AKR1B1: variants seen among roughly 807,000 people sequenced by gnomAD.
The protein encoded by AKR1B1 is aldo-keto reductase family 1 member B, also known as aldo-keto reductase family 1 member B1.
AKR1B1 carries 22 observed loss-of-function variants against 40.4 expected under a neutral mutation model. That is an observed-to-expected ratio of 0.54 (90% CI 0.39 to 0.78). The LOEUF (loss-of-function observed/expected upper bound fraction) is 0.78. AKR1B1 is among the 30% of genes least tolerant of loss of function. The probability of loss-of-function intolerance (pLI) is 0.00; values close to 1 mark genes in which losing one functional copy is unlikely to be tolerated. For missense variants in AKR1B1, 357 were observed against 396.7 expected (o/e 0.90, Z 0.85); for synonymous variants, 157 against 149.9 (o/e 1.05, Z -0.35).
intron 3 of AKR1B1, among the ~76,000 whole-genome samples, chr7:134,450,100 G>A (rs1480817727): frequency 1.3e-5 from 2 of 152,178 alleles, no homozygotes; most frequent in South Asian, 2.1e-4. Flanking sequence ...AAGGCCTGGC[G>A]GGTCACTGGC....
chr7:134,449,113 C>T lies in AKR1B1; in HGVS notation c.436G>A (p.Glu146Lys), dbSNP rs1806199677. The T allele has an allele frequency of 1.2e-6, 2 of 1,613,628 alleles. No individual in the cohort carries two copies. The highest frequency in any genetic ancestry group is 8.5e-7 in the Non-Finnish European group (1 of 1,180,030). Reference sequence around the variant, plus strand: ...ACCAGCCCTTCATCCACCAGCTCTTCCATGGCCTACAGAGAAAAGTGTCTG... The same window carrying T: ...ACCAGCCCTTCATCCACCAGCTCTTTCATGGCCTACAGAGAAAAGTGTCTG... ...TNILDTWAAMEELVDEGLVKA... is the reference protein window; with the variant it reads ...TNILDTWAAMKELVDEGLVKA... The change falls in exon 5 of 10, where the codon GAA becomes AAA. Residue 146 changes from glutamate (E) to lysine (K), a missense_variant. Coordinates refer to ENST00000285930, the MANE Select transcript of AKR1B1 (RefSeq NM_001628.4).
Position 134,455,860 on chromosome 7 carries a change from G to C in AKR1B1, c.66+3137C>G, listed in dbSNP as rs1806454140. Among the ~76,000 whole-genome samples, 3 of 152,328 alleles carry C rather than the reference G, an allele frequency of 2.0e-5. 1 individual carries two copies. The South Asian group carries it at 6.2e-4, about 32-fold the overall frequency. ...GGCCTTCCAAAGTGCTGGGATTACAGGTGTAATTGTTTACTATCCAATGTA... is the reference window on the plus strand; with the variant it reads ...GGCCTTCCAAAGTGCTGGGATTACACGTGTAATTGTTTACTATCCAATGTA... On this transcript the variant is annotated intron_variant, in intron 1 of 9. Transcript: ENST00000285930.
chr7:134,448,174 C>T, intron 6 of AKR1B1, 113 bp from the exon 7 acceptor site: 1 of 1,001,094 alleles, frequency 1.0e-6, no homozygotes, highest in Non-Finnish European at 1.5e-6. Flanking sequence ...CAGTCTCCTC[C>T]TCAGAGCTGG....
chr7:134,448,563 C>T, intron 5 of AKR1B1, 70 bp from the exon 6 acceptor site: 1 of 1,214,720 alleles, frequency 8.2e-7, no homozygotes. Flanking sequence ...GATGAAGCTT[C>T]CTATGCTAAA....
Position 134,447,907 on chromosome 7 carries a change from C to T in AKR1B1, c.741+73G>A, listed in dbSNP as rs777157468. The T allele has an allele frequency of 3.0e-6, 4 of 1,325,154 alleles. 1 individual carries two copies. The highest frequency in any genetic ancestry group is 1.9e-5 in the Admixed American group (1 of 51,846). The allele number at this position is 1,325,154 out of a possible 1,614,324, so 82.1% of individuals were successfully genotyped here. ...AGGGTGTAACAGGCTCAGTCACTTCCTCCTCTTGGCTAACAGGACTGTCAG... is the reference window on the plus strand; with the variant it reads ...AGGGTGTAACAGGCTCAGTCACTTCTTCCTCTTGGCTAACAGGACTGTCAG... On this transcript the variant is annotated intron_variant, in intron 7 of 9. Coordinates refer to ENST00000285930, the MANE Select transcript of AKR1B1 (RefSeq NM_001628.4).
chr7:134,448,536 C>T, intron 5 of AKR1B1, 43 bp from the exon 6 acceptor site: 1 of 1,457,040 alleles, frequency 6.9e-7, no homozygotes, highest in South Asian at 1.1e-5. Flanking sequence ...ACTGTGGCTA[C>T]ACGCTGATGG....
chr7:134,445,233 C>T lies in AKR1B1; in HGVS notation c.908+5G>A. ...GAACTGCTCCTCACACTGGGGCTCA[C>T]TCACCTCAACAAGGCACAGACCCTC... On this transcript the variant is annotated splice_donor_5th_base_variant and intron_variant, in intron 9 of 9. Coordinates refer to ENST00000285930, the MANE Select transcript of AKR1B1 (RefSeq NM_001628.4). The T allele has an allele frequency of 1.2e-6, 2 of 1,609,770 alleles. No individual in the cohort carries two copies. The highest frequency in any genetic ancestry group is 1.7e-6 in the Non-Finnish European group (2 of 1,178,796).
intron 9 of AKR1B1, among the ~76,000 whole-genome samples, chr7:134,444,525 G>A (rs1290834904): frequency 6.6e-6 from 1 of 152,248 alleles, no homozygotes; most frequent in Non-Finnish European, 1.5e-5. Flanking sequence ...AGAGAGTGTG[G>A]AAACACAGAG....
At chr7:134,457,355 T>C (rs957760133) in intron 1 of AKR1B1, among the ~76,000 whole-genome samples, 1 of 152,194 alleles carries the variant, frequency 6.6e-6, no homozygotes, top group African/African-American at 2.4e-5. Context: ...TAGAAAGTAT[T>C]TGCTATTGCC....
rs540798145 is a variant in AKR1B1, at chr7:134,459,063, G to T, written c.-1C>A. The T allele has an allele frequency of 1.7e-5, 27 of 1,602,440 alleles. No individual in the cohort carries two copies. In the South Asian group the frequency reaches 2.9e-4, roughly 17 times the overall value. On this transcript the variant is annotated 5_prime_UTR_variant, in exon 1 of 10. Transcript: ENST00000285930. ...TGTTGAGCAGGAGACGGCTTGCCATGGCTGCTGCGCTCCCCAGACCCCCGC... is the reference window on the plus strand; with the variant it reads ...TGTTGAGCAGGAGACGGCTTGCCATTGCTGCTGCGCTCCCCAGACCCCCGC...
intron 3 of AKR1B1, 140 bp from the exon 4 acceptor site, chr7:134,449,937 AAT>A (rs1806234186): frequency 2.6e-6 from 2 of 760,804 alleles, no homozygotes; most frequent in Non-Finnish European, 2.3e-6. Flanking sequence ...ATGAAAAGGA[AAT>A]AGGCAGATAG....
At chr7:134,448,639 C>A (rs1005805865) in intron 5 of AKR1B1, 146 bp from the exon 6 acceptor site, 2 of 726,722 alleles carry the variant, frequency 2.8e-6, no homozygotes, top group South Asian at 1.5e-5. Flanking sequence ...TAAGCTGTAA[C>A]TTCCTACAGT....
At chr7:134,458,875 G>T in intron 1 of AKR1B1, 122 bp downstream of exon 1, 2 of 1,184,398 alleles carry the variant, frequency 1.7e-6, no homozygotes, top group Non-Finnish European at 2.4e-6. Context: ...CCCGCGCGTG[G>T]CTCCCAGCAC....
chr7:134,451,620 A>G lies in AKR1B1; in HGVS notation c.200T>C (p.Val67Ala), dbSNP rs772483114. 2.5e-6 allele frequency: 4 copies of G among 1,614,002 alleles called. No individual in the cohort carries two copies. Among genetic ancestry groups the G allele is most frequent in the Non-Finnish European group, 3.4e-6 (4 of 1,179,992 alleles). ...VAIQEKLREQ[V>A]VKREELFIVS... is the part of the protein sequence containing the mutation. ...GATGAAGAGCTCCTCACGCTTCACC[A>G]CCTGCTCCCTGAGCTTCTCCTGAAT... Residue 67 changes from valine to alanine, a missense_variant, in exon 2 of 10, where the codon GTG becomes GCG. Val to Ala is a moderately conservative substitution (Grantham distance 64, BLOSUM62 0). Transcript: ENST00000285930.
intron 8 of AKR1B1, 110 bp from the exon 9 acceptor site, chr7:134,445,430 G>A: frequency 4.5e-6 from 4 of 891,730 alleles, no homozygotes; most frequent in East Asian, 2.6e-5. Flanking sequence ...GGAGCGATAA[G>A]ATAAACTGAA....
rs1283062956 is a variant in AKR1B1, at chr7:134,445,173, A to T, written c.908+65T>A. On this transcript the variant is annotated intron_variant, in intron 9 of 9. Coordinates refer to ENST00000285930, the MANE Select transcript of AKR1B1 (RefSeq NM_001628.4). ...ATTGGCGCTGAGGCCTGCAGGGATC[A>T]CTCTCTTGCTGTGCAGCATCTGAAT... is the stretch of plus-strand genomic sequence containing the variant. 40 of 1,392,750 alleles carry T rather than the reference A, an allele frequency of 2.9e-5. No individual in the cohort carries two copies. In the Admixed American group the frequency reaches 7.0e-4, roughly 24 times the overall value. The allele number at this position is 1,392,750 out of a possible 1,614,324, so 86.3% of individuals were successfully genotyped here.
chr7:134,449,597 AAAG>A, intron 4 of AKR1B1, 120 bp downstream of exon 4: 1 of 876,790 alleles, frequency 1.1e-6, no homozygotes, highest in South Asian at 1.4e-5. Context: ...AAAAAAAAAA[AAAG>A]AGAGAGCAAA....
At position 134,442,753 on chromosome 7, in the gene AKR1B1, T is replaced by A; in HGVS notation, c.926A>T (p.Asp309Val). 6.2e-7 allele frequency: 1 copy of A among 1,614,130 alleles called. No homozygotes were observed. The highest frequency in any genetic ancestry group is 8.5e-7 in the Non-Finnish European group (1 of 1,179,984). ...CALLSCTSHK[D>V]YPFHEEF ...TCAAAACTCTTCATGGAAGGGGTAATCCTTGTGGGAGGTACAGCTGTCAGG... is the reference window on the plus strand; with the variant it reads ...TCAAAACTCTTCATGGAAGGGGTAAACCTTGTGGGAGGTACAGCTGTCAGG... Residue 309 changes from aspartate (D) to valine (V), a missense_variant, in exon 10 of 10, where the codon GAT (aspartate) becomes GTT (valine). By Grantham distance (152) the Asp-to-Val change is radical. Coordinates refer to ENST00000285930, the MANE Select transcript of AKR1B1 (RefSeq NM_001628.4).
intron 5 of AKR1B1, 24 bp downstream of exon 5, chr7:134,448,973 C>T (rs1235085184): frequency 1.9e-6 from 3 of 1,613,796 alleles, no homozygotes; most frequent in Non-Finnish European, 2.5e-6. Context: ...CGTTGCAATG[C>T]CAGTGTCGTT....
Sources: allele counts gnomAD v4.1 joint callset (sites outside exome capture counted in the v4.1 genomes callset), GRCh38; gene constraint gnomAD v4.1.1; transcripts MANE v1.5; gene names NCBI Gene and HGNC (gene_info 2026-07-23, HGNC 2026-07-21).